The following ANKIB1 variants were observed in gnomAD, a reference collection of about 807,000 sequenced individuals.
The protein encoded by ANKIB1 is ankyrin repeat and IBR domain containing 1, also known as ankyrin repeat and IBR domain-containing protein 1.
ANKIB1 carries 43 observed loss-of-function variants against 122.1 expected under a neutral mutation model. The observed-to-expected ratio is 0.35, with a 90% CI of 0.28 to 0.45. The LOEUF is 0.45. ANKIB1 is among the 20% of genes least tolerant of loss of function. The pLI is 1.00. For synonymous variants in ANKIB1, 390 were observed against 442.0 expected (o/e 0.88, Z 1.48); for missense variants, 992 against 1,329.5 (o/e 0.75, Z 3.95).
chr7:92,268,828 G>GT (rs1472186703), intron 1 of ANKIB1, among the ~76,000 whole-genome samples: 1 of 152,112 alleles, frequency 6.6e-6, no homozygotes, highest in Non-Finnish European at 1.5e-5. Flanking sequence ...AATGGACTAG[G>GT]TATTTCCTTT....
chr7:92,314,518 A>C (rs2131943689), intron 3 of ANKIB1, among the ~76,000 whole-genome samples: 1 of 152,320 alleles, frequency 6.6e-6, no homozygotes, highest in Middle Eastern at 3.4e-3. Context: ...AGCTCCATCC[A>C]AGACCAACCA....
intron 9 of ANKIB1, among the ~76,000 whole-genome samples, chr7:92,356,789 TAGGTTACTGA>T (rs1305097568): frequency 6.6e-6 from 1 of 152,222 alleles, no homozygotes; most frequent in East Asian, 1.9e-4. Context: ...TGGCCTTTGA[TAGGTTACTGA>T]ACCTCTCTGT....
At chr7:92,268,697 A>C (rs761675551) in intron 1 of ANKIB1, among the ~76,000 whole-genome samples, 15 of 152,192 alleles carry the variant, frequency 9.9e-5, no homozygotes, top group Non-Finnish European at 1.9e-4. Context: ...GCTTGTCTCT[A>C]ACTCCTGGAC....
intron 3 of ANKIB1, among the ~76,000 whole-genome samples, chr7:92,316,106 C>A (rs925778665): frequency 2.0e-5 from 3 of 152,084 alleles, no homozygotes; most frequent in Non-Finnish European, 2.9e-5. Flanking sequence ...AATTTGGTTT[C>A]TTTTAAGGTA....
At chr7:92,326,681 T>C (rs551255920) in intron 4 of ANKIB1, among the ~76,000 whole-genome samples, 1 of 152,296 alleles carries the variant, frequency 6.6e-6, no homozygotes, top group East Asian at 1.9e-4. Context: ...TTTCATAAAT[T>C]AGCTTAAAAG....
At chr7:92,310,475 G>T (rs924159915) in intron 3 of ANKIB1, among the ~76,000 whole-genome samples, 6 of 152,022 alleles carry the variant, frequency 3.9e-5, no homozygotes, top group South Asian at 4.2e-4. Context: ...TTTCTATTAT[G>T]CATACTGCTA....
At chr7:92,384,126 C>G (rs969819459) in intron 11 of ANKIB1, among the ~76,000 whole-genome samples, 6 of 152,068 alleles carry the variant, frequency 3.9e-5, no homozygotes, top group African/African-American at 1.4e-4. Flanking sequence ...GAGTGAACTC[C>G]CATTCACAAT....
In ANKIB1 at chr7:92,248,160, G is replaced by A. The variant is rs139165115; in HGVS notation, c.-91+1641G>A. ...ATCTTGGAGAAGTCTTAGAAAAAAT[G>A]TTGTTGATTCTCTTTTCCTTGGGGT... On this transcript the variant is annotated intron_variant, in intron 1 of 19. Transcript: ENST00000265742. 6.8e-3 allele frequency among the ~76,000 whole-genome samples: 1,034 copies of A among 152,254 alleles called. 6 individuals are homozygous for A. Among genetic ancestry groups the A allele is most frequent in the Non-Finnish European group, 0.011 (740 of 68,004 alleles).
At chr7:92,315,808 T>C (rs1802782634) in intron 3 of ANKIB1, among the ~76,000 whole-genome samples, 1 of 152,166 alleles carries the variant, frequency 6.6e-6, no homozygotes, top group Non-Finnish European at 1.5e-5. Flanking sequence ...AGTCATTTGC[T>C]GAGGAAATTG....
chr7:92,387,667 C>A, intron 12 of ANKIB1, 131 bp from the exon 13 acceptor site: 2 of 649,754 alleles, frequency 3.1e-6, no homozygotes, highest in Non-Finnish European at 2.6e-6. Flanking sequence ...GTTTTTCTGT[C>A]AAGAAAATAA....
At chr7:92,273,118 A>G (rs986710570) in intron 1 of ANKIB1, among the ~76,000 whole-genome samples, 7 of 152,234 alleles carry the variant, frequency 4.6e-5, no homozygotes, top group Non-Finnish European at 8.8e-5. Flanking sequence ...TGCAAAAAAG[A>G]TAACAGTTAT....
intron 1 of ANKIB1, among the ~76,000 whole-genome samples, chr7:92,248,940 T>C (rs1020605623): frequency 1.4e-5 from 2 of 144,792 alleles, no homozygotes; most frequent in Admixed American, 1.5e-4. Context: ...AAGGCTGGAG[T>C]GCAGTGGTGT....
chr7:92,351,817 T>C (rs889568756), intron 8 of ANKIB1, among the ~76,000 whole-genome samples: 4 of 149,548 alleles, frequency 2.7e-5, no homozygotes, highest in Non-Finnish European at 5.9e-5. Context: ...GCGTCCAAGG[T>C]TCAAGCCTTT....
chr7:92,289,483 G>A (rs1386943728), intron 1 of ANKIB1, among the ~76,000 whole-genome samples: 2 of 152,162 alleles, frequency 1.3e-5, no homozygotes, highest in Non-Finnish European at 2.9e-5. Context: ...ATAACAAGCT[G>A]ACTTCCACCA....
At chr7:92,302,307 G>GTA (rs1802473689) in intron 2 of ANKIB1, among the ~76,000 whole-genome samples, 1 of 152,176 alleles carries the variant, frequency 6.6e-6, no homozygotes, top group South Asian at 2.1e-4. Flanking sequence ...TAGCTATAAA[G>GTA]TAAAGCACCT....
Position 92,389,996 on chromosome 7 carries a change from T to C in ANKIB1, c.1932T>C (p.Thr644=), listed in dbSNP as rs752416356. The part of the protein sequence containing the change: ...KETEGGCPDT[T]FIEDAVHVLL... The stretch of plus-strand genomic sequence containing the variant: ...CTGAAGGAGGCTGTCCAGATACCAC[T>C]TTCATTGAAGATGCAGTTCATGTGC... The change falls in exon 15 of 20, where the codon ACT becomes ACC. Residue 644 remains threonine, a synonymous_variant. Coordinates refer to ENST00000265742, the MANE Select transcript of ANKIB1 (RefSeq NM_019004.2). 85 of 1,600,804 alleles carry C rather than the reference T, an allele frequency of 5.3e-5. No homozygotes were observed. Among genetic ancestry groups the C allele is most frequent in the Non-Finnish European group, 7.0e-5 (82 of 1,175,892 alleles).
chr7:92,344,482 G>C (rs1338548720), intron 6 of ANKIB1, among the ~76,000 whole-genome samples: 2 of 152,010 alleles, frequency 1.3e-5, no homozygotes, highest in African/African-American at 4.8e-5. Flanking sequence ...TGGGATTACA[G>C]GTGTGAGCCA....
chr7:92,286,118 C>T (rs988531195), intron 1 of ANKIB1, among the ~76,000 whole-genome samples: 2 of 152,170 alleles, frequency 1.3e-5, no homozygotes, highest in Non-Finnish European at 2.9e-5. Context: ...CTAATAGAGG[C>T]CATTCTCCTT....
At chr7:92,325,674 G>A (rs1223916862) in intron 4 of ANKIB1, among the ~76,000 whole-genome samples, 1 of 151,148 alleles carries the variant, frequency 6.6e-6, no homozygotes, top group Non-Finnish European at 1.5e-5. Context: ...TTTACCAATA[G>A]GGAGGGGAGG....
Sources: gnomAD v4.1 joint callset for allele counts (sites outside exome capture counted in the v4.1 genomes callset) on GRCh38, gnomAD v4.1.1 for gene constraint, MANE v1.5 for transcripts, NCBI Gene and HGNC (gene_info 2026-07-23, HGNC 2026-07-21) for gene names.